The following PUDP variants were observed in gnomAD, a reference collection of about 807,000 sequenced individuals.
PUDP encodes pseudouridine-5'-phosphatase.
In PUDP, 8 loss-of-function variants were observed where a neutral mutation model predicts 9.4. That is an observed-to-expected ratio of 0.85 (90% CI 0.50 to 1.53). The LOEUF (loss-of-function observed/expected upper bound fraction) is 1.53. PUDP is among the 40% of genes most tolerant of loss of function. The pLI is 0.00. For synonymous variants in PUDP, 99 were observed against 80.7 expected (o/e 1.23, Z -1.22); for missense variants, 188 against 189.7 (o/e 0.99, Z 0.05).
chrX:7,122,418 A>G (rs1932367737), intron 1 of PUDP, among the ~76,000 whole-genome samples: 1 of 111,669 alleles, frequency 9.0e-6, no homozygotes, highest in Non-Finnish European at 1.9e-5. Context: ...ACAGAGATGA[A>G]TTGGCTCTCC....
chrX:6,922,388 A>G (rs1022459891), intron 3 of PUDP, among the ~76,000 whole-genome samples: 1 of 111,426 alleles, frequency 9.0e-6, no homozygotes, highest in Non-Finnish European at 1.9e-5. Flanking sequence ...TCCACTATAT[A>G]CCCACAAAAA....
intron 1 of PUDP, among the ~76,000 whole-genome samples, chrX:7,005,417 T>A (rs1569138554): frequency 9.1e-6 from 1 of 109,390 alleles, no homozygotes; most frequent in Non-Finnish European, 1.9e-5. Flanking sequence ...ATTATTATTA[T>A]TATTATTTTG....
At chrX:7,089,380 T>C (rs1363687791) in intron 2 of PUDP, among the ~76,000 whole-genome samples, 1 of 111,464 alleles carries the variant, frequency 9.0e-6, no homozygotes, top group Non-Finnish European at 1.9e-5. Context: ...TGCAGGGATC[T>C]TTTATCTACG....
At chrX:6,817,540 A>T (rs1219440393) in intron 3 of PUDP, among the ~76,000 whole-genome samples, 1 of 112,144 alleles carries the variant, frequency 8.9e-6, no homozygotes, top group Non-Finnish European at 1.9e-5. Flanking sequence ...CTCCATTTCA[A>T]GAAGAAGATC....
chrX:7,058,748 G>A (rs1178094374), intron 3 of PUDP, among the ~76,000 whole-genome samples: 1 of 111,916 alleles, frequency 8.9e-6, no homozygotes, highest in East Asian at 2.8e-4. Flanking sequence ...AGGTATGTGT[G>A]TATTTTGTTA....
intron 3 of PUDP, among the ~76,000 whole-genome samples, chrX:6,885,474 A>G (rs1927408603): frequency 8.9e-6 from 1 of 111,988 alleles, no homozygotes; most frequent in African/African-American, 3.2e-5. Context: ...TATCAGAACA[A>G]GTCATGGCAC....
rs183187059 is a variant in PUDP at position 6,785,552 on chromosome X, C to T, written c.*248-79086G>A. Among the ~76,000 whole-genome samples, 216 of 110,685 alleles carry T rather than the reference C, an allele frequency of 2.0e-3. 2 individuals are homozygous for T. Among genetic ancestry groups the T allele is most frequent in the Middle Eastern group, 9.2e-3 (2 of 218 alleles). ...GCATTCCAATCTTACACATACTTTG[C>T]GCGTTTTCTATTTCTTCCCATTAAA... is the stretch of plus-strand genomic sequence containing the variant. On this transcript the variant is annotated intron_variant and NMD_transcript_variant, in intron 3 of 3. Transcript: ENST00000655425.
At chrX:6,753,471 T>C (rs867747029) in intron 3 of PUDP, among the ~76,000 whole-genome samples, 48 of 104,373 alleles carry the variant, frequency 4.6e-4, no homozygotes, top group African/African-American at 1.7e-3. Context: ...GATTTTTTTT[T>C]CCTCTGGGTG....
intron 3 of PUDP, among the ~76,000 whole-genome samples, chrX:6,854,771 G>A (rs1416741050): frequency 3.6e-5 from 4 of 109,803 alleles, no homozygotes; most frequent in Non-Finnish European, 3.8e-5. Context: ...TTGTTCTCAC[G>A]TTGAAGAGGC....
At chrX:6,858,323 TTTTTTTTTTTTC>T (rs1287527432) in intron 3 of PUDP, among the ~76,000 whole-genome samples, 72 of 65,408 alleles carry the variant, frequency 1.1e-3, no homozygotes, top group African/African-American at 2.9e-3. Context: ...TTTTTCTTTC[TTTTTTTTTTTTC>T]TTTTTTTTTT....
chrX:7,058,362 T>C (rs1368399217), intron 3 of PUDP, among the ~76,000 whole-genome samples: 1 of 112,100 alleles, frequency 8.9e-6, no homozygotes, highest in Non-Finnish European at 1.9e-5. Flanking sequence ...GAAGCGGTCC[T>C]GGAATTACAT....
chrX:7,004,293 G>C (rs889500780), intron 1 of PUDP, among the ~76,000 whole-genome samples: 1 of 111,785 alleles, frequency 8.9e-6, no homozygotes, highest in African/African-American at 3.3e-5. Flanking sequence ...CAGGAGCTAA[G>C]CCTCATTTTT....
chrX:6,795,215 C>T (rs1295982826), intron 3 of PUDP, among the ~76,000 whole-genome samples: 1 of 111,076 alleles, frequency 9.0e-6, no homozygotes, highest in African/African-American at 3.3e-5. Flanking sequence ...AATGTCGTGA[C>T]GTGGCTCATG....
intron 1 of PUDP, among the ~76,000 whole-genome samples, chrX:7,140,783 C>T (rs931953531): frequency 1.4e-4 from 16 of 111,911 alleles, no homozygotes; most frequent in African/African-American, 5.2e-4. Context: ...AGGTTTTTGG[C>T]AACCCTGCGT....
rs1050113747 is a variant in PUDP, at chrX:6,994,787, T to A, written c.205-16444A>T. 3.6e-5 allele frequency among the ~76,000 whole-genome samples: 4 copies of A among 111,134 alleles called. No homozygotes were observed. In the Admixed American group the frequency reaches 3.8e-4, roughly 11 times the overall value. On this transcript the variant is annotated intron_variant and NMD_transcript_variant, in intron 1 of 3. Coordinates refer to the PUDP transcript ENST00000655425. ...GAAAAGAGTTAATTTTTTCACCCTA[T>A]CGAAAAAACATAATGGAGTTTCTTT...
At chrX:6,840,049 C>A (rs1032397298) in intron 3 of PUDP, among the ~76,000 whole-genome samples, 1 of 111,195 alleles carries the variant, frequency 9.0e-6, no homozygotes, top group African/African-American at 3.3e-5. Flanking sequence ...TTGTAGCTCC[C>A]ATAATTCCCA....
At chrX:6,780,235 G>A (rs7472197) in intron 3 of PUDP, among the ~76,000 whole-genome samples, 1 of 108,859 alleles carries the variant, frequency 9.2e-6, no homozygotes, top group Non-Finnish European at 1.9e-5. Flanking sequence ...ATGTGTGTGT[G>A]TATGTGTATA....
upstream of PUDP, among the ~76,000 whole-genome samples, chrX:6,724,556 T>G (rs774883492): frequency 5.9e-5 from 6 of 101,218 alleles, no homozygotes; most frequent in Admixed American, 4.3e-4. Context: ...CCAACAAAAG[T>G]AGGAAAATCC....
chrX:6,731,146 T>C (rs1346039128), intron 3 of PUDP, among the ~76,000 whole-genome samples: 1 of 112,317 alleles, frequency 8.9e-6, no homozygotes, highest in Non-Finnish European at 1.9e-5. Context: ...CATATTTCAC[T>C]GCAGCCTTGA....
Sources: allele counts gnomAD v4.1 joint callset (sites outside exome capture counted in the v4.1 genomes callset), GRCh38; gene constraint gnomAD v4.1.1; transcripts MANE v1.5; gene names NCBI Gene and HGNC (gene_info 2026-07-23, HGNC 2026-07-21).